Variants in COPS7B observed in about 807,000 individuals in gnomAD.
COPS7B encodes the protein COP9 signalosome complex subunit 7b.
COPS7B carries 9 observed loss-of-function variants against 33.4 expected under a neutral mutation model. The observed-to-expected ratio is 0.27, with a 90% CI of 0.16 to 0.47. The LOEUF is 0.47. Ranked by LOEUF, COPS7B falls within the 20% of genes least tolerant of loss-of-function variation. COPS7B has a pLI of 0.99. For missense variants in COPS7B, 242 were observed against 318.2 expected, an observed-to-expected ratio of 0.76 and a Z score of 1.82; for synonymous variants, 119 against 126.3, an observed-to-expected ratio of 0.94 and a Z score of 0.39.
upstream of COPS7B, among the ~76,000 whole-genome samples, chr2:231,782,183 G>A (rs1490182775): frequency 6.6e-6 from 1 of 152,228 alleles, no homozygotes; most frequent in African/African-American, 2.4e-5. Context: ...TCAGCCCTAA[G>A]TCGGCTGACT....
Position 231,807,662 on chromosome 2 carries a change from T to G in COPS7B, c.*17T>G. On this transcript the variant is annotated 3_prime_UTR_variant, in exon 7 of 7. Coordinates refer to ENST00000350033, the MANE Select transcript of COPS7B (RefSeq NM_022730.4). Reference sequence around the variant, plus strand: ...CGCCACTAGGGCCGGCTGGGGCAGCTGGCACTCACCAGGCCTGGGTCAGGT... The same window carrying G: ...CGCCACTAGGGCCGGCTGGGGCAGCGGGCACTCACCAGGCCTGGGTCAGGT... 6.5e-7 allele frequency: 1 copy of G among 1,545,206 alleles called. No homozygotes were observed. The highest frequency in any genetic ancestry group is 8.7e-7 in the Non-Finnish European group (1 of 1,144,612).
rs1299287479 is a variant in COPS7B at position 231,791,724 on chromosome 2, C to T, written c.163-9C>T. ...TTGGTCTGTGGTGAACTTTTTTTTT[C>T]CTCTTCAGCTTGCGGAAGGAGCTAA... On this transcript the variant is annotated splice_polypyrimidine_tract_variant and intron_variant, in intron 2 of 6. Coordinates refer to ENST00000350033, the MANE Select transcript of COPS7B (RefSeq NM_022730.4). 9.3e-6 allele frequency: 15 copies of T among 1,611,214 alleles called. No individual in the cohort carries two copies. The highest frequency in any genetic ancestry group is 2.2e-5 in the East Asian group (1 of 44,854).
Position 231,788,596 on chromosome 2 carries a change from G to A in COPS7B, c.26G>A (p.Ser9Asn). ...ATGGCAGGGGAACAGAAACCCTCAA[G>A]TAATCTCCTGGAGCAGTTTATTTTA... Reference protein sequence around the residue: MAGEQKPSSNLLEQFILLA... With the variant: MAGEQKPSNNLLEQFILLA... The change falls in exon 2 of 7, where the codon AGT becomes AAT. Residue 9 changes from serine to asparagine, a missense_variant. Ser to Asn is a conservative substitution (Grantham distance 46). Transcript: ENST00000350033. 1 of 1,613,932 alleles carries A rather than the reference G, an allele frequency of 6.2e-7. No individual in the cohort carries two copies. The highest frequency in any genetic ancestry group is 8.5e-7 in the Non-Finnish European group (1 of 1,180,010).
chr2:231,794,859 G>A (rs963296816), intron 4 of COPS7B, among the ~76,000 whole-genome samples: 33 of 151,798 alleles, frequency 2.2e-4, no homozygotes, highest in Admixed American at 1.2e-3. Context: ...AGATTCGAGC[G>A]ATTCCCCTAC....
chr2:231,806,365 C>T (rs1443035470), intron 6 of COPS7B, among the ~76,000 whole-genome samples: 1 of 152,026 alleles, frequency 6.6e-6, no homozygotes, highest in East Asian at 1.9e-4. Flanking sequence ...GCCTGGACAA[C>T]GTGGTGAAAC....
At chr2:231,786,647 C>G in intron 1 of COPS7B, 109 bp downstream of exon 1, 2 of 413,186 alleles carry the variant, frequency 4.8e-6, no homozygotes, top group Non-Finnish European at 3.3e-6. Flanking sequence ...GCCCGCCCCG[C>G]CCCCGCCTTG....
intron 5 of COPS7B, among the ~76,000 whole-genome samples, chr2:231,796,664 A>G (rs2049580425): frequency 6.6e-6 from 1 of 152,250 alleles, no homozygotes; most frequent in South Asian, 2.1e-4. Context: ...GACCAAACTC[A>G]GGAAGGCTAG....
intron 6 of COPS7B, 48 bp downstream of exon 6, chr2:231,799,012 TA>T (rs2049664258): frequency 6.6e-7 from 1 of 1,518,660 alleles, no homozygotes; most frequent in Non-Finnish European, 9.1e-7. Flanking sequence ...CATACCTGTT[TA>T]TTCGTTTGCA....
At chr2:231,803,763 G>A (rs879703577) in intron 6 of COPS7B, among the ~76,000 whole-genome samples, 4 of 152,212 alleles carry the variant, frequency 2.6e-5, no homozygotes, top group South Asian at 2.1e-4. Context: ...AGGATGATGC[G>A]CGGGCTCCCT....
At chr2:231,785,430 C>T (rs2049216914), upstream of COPS7B, among the ~76,000 whole-genome samples, 1 of 152,172 alleles carries the variant, frequency 6.6e-6, no homozygotes, top group South Asian at 2.1e-4. Flanking sequence ...ATGGGCACTA[C>T]CCCCCTTTTT....
upstream of COPS7B, chr2:231,782,032 G>A (rs2049142622): frequency 4.4e-6 from 3 of 683,848 alleles, no homozygotes; most frequent in Non-Finnish European, 7.5e-6. Flanking sequence ...CACCGGGAGA[G>A]CTATGGATTG....
At chr2:231,804,461 A>G (rs1458852149) in intron 6 of COPS7B, among the ~76,000 whole-genome samples, 3 of 152,044 alleles carry the variant, frequency 2.0e-5, no homozygotes, top group African/African-American at 7.2e-5. Flanking sequence ...GTTAGCCAGG[A>G]TGGTCTCGAT....
intron 3 of COPS7B, chr2:231,793,857 G>A (rs2049489706): frequency 6.1e-6 from 1 of 163,054 alleles, no homozygotes; most frequent in Non-Finnish European, 1.3e-5. Flanking sequence ...GTGGTTGGTG[G>A]CCCTGGAGTT....
chr2:231,799,099 G>T (rs1304264963), intron 6 of COPS7B, 135 bp downstream of exon 6: 1 of 720,042 alleles, frequency 1.4e-6, no homozygotes, highest in African/African-American at 1.8e-5. Context: ...TGGGCTAGGT[G>T]CTGGGTTACA....
At chr2:231,805,416 TA>T (rs754981114) in intron 6 of COPS7B, among the ~76,000 whole-genome samples, 908 of 53,228 alleles carry the variant, frequency 0.017, 3 homozygotes, top group Middle Eastern at 0.061. Context: ...CTGTTTATTA[TA>T]TATATATATA....
At chr2:231,801,403 A>G (rs755581170) in intron 6 of COPS7B, 20 of 620,736 alleles carry the variant, frequency 3.2e-5, no homozygotes, top group Non-Finnish European at 3.8e-5. Flanking sequence ...TACTTAGAGC[A>G]TTACAAAGCA....
intron 6 of COPS7B, among the ~76,000 whole-genome samples, chr2:231,803,317 TA>T (rs1041713933): frequency 2.6e-5 from 4 of 151,832 alleles, no homozygotes; most frequent in Non-Finnish European, 4.4e-5. Context: ...CAGAAGGGCA[TA>T]GGGGGAATGA....
chr2:231,790,373 G>C (rs1052355226), intron 2 of COPS7B: 3 of 152,178 alleles, frequency 2.0e-5, no homozygotes, highest in African/African-American at 4.8e-5. Context: ...TTCTGAAAAG[G>C]GGGGCTAGAT....
rs1321401741 is a variant in COPS7B, at chr2:231,808,221, A to G, written c.*576A>G. The G allele has an allele frequency of 5.9e-6, 2 of 341,358 alleles. No individual in the cohort carries two copies. Among genetic ancestry groups the G allele is most frequent in the Middle Eastern group, 1.1e-3 (1 of 906 alleles). 21.1% of individuals were successfully genotyped at this position (341,358 alleles called of 1,614,324 possible). A position where few individuals can be genotyped will look rare whatever the true frequency, so the allele number is the denominator to read the frequency against. On this transcript the variant is annotated 3_prime_UTR_variant, in exon 7 of 7. Transcript: ENST00000350033. ...ATGCTGGGCTGTGTTTACTAAACCC[A>G]CGGGTTTTCAGCCTCTTAAGCCCAG...
Sources: allele counts gnomAD v4.1 joint callset (sites outside exome capture counted in the v4.1 genomes callset), GRCh38; gene constraint gnomAD v4.1.1; transcripts MANE v1.5; gene names NCBI Gene and HGNC (gene_info 2026-07-23, HGNC 2026-07-21).